The following ADGRL3 variants were observed in gnomAD, a reference collection of about 807,000 sequenced individuals.
The protein encoded by ADGRL3 is adhesion G protein-coupled receptor L3, also known as calcium-independent alpha-latrotoxin receptor 3.
ADGRL3 carries 62 observed loss-of-function variants against 153.5 expected under a neutral mutation model. That is an observed-to-expected ratio of 0.40 (90% CI 0.33 to 0.50). The LOEUF is 0.50. Ranked by LOEUF, ADGRL3 falls within the 20% of genes least tolerant of loss-of-function variation. ADGRL3 has a pLI of 0.47. For missense variants in ADGRL3, 1,641 were observed against 1,859.4 expected (o/e 0.88, Z 2.16); for synonymous variants, 710 against 672.5 (o/e 1.06, Z -0.86).
At chr4:61,353,719 G>A (rs986373202) in intron 1 of ADGRL3, among the ~76,000 whole-genome samples, 1 of 150,614 alleles carries the variant, frequency 6.6e-6, no homozygotes, top group African/African-American at 2.4e-5. Context: ...GACATTACAG[G>A]CATGGGTCAC....
At chr4:61,976,168 T>G (rs995782140) in intron 17 of ADGRL3, among the ~76,000 whole-genome samples, 3 of 152,142 alleles carry the variant, frequency 2.0e-5, no homozygotes, top group Admixed American at 6.5e-5. Flanking sequence ...AGGTACATAA[T>G]GGTATATAGT....
chr4:61,259,955 A>G (rs921089687), intron 1 of ADGRL3, among the ~76,000 whole-genome samples: 1 of 152,206 alleles, frequency 6.6e-6, no homozygotes, highest in Non-Finnish European at 1.5e-5. Context: ...ATCTAACACT[A>G]CTAGAGGCTT....
At chr4:61,764,328 G>C (rs969069986) in intron 8 of ADGRL3, among the ~76,000 whole-genome samples, 5 of 151,920 alleles carry the variant, frequency 3.3e-5, no homozygotes, top group African/African-American at 1.2e-4. Context: ...TCAGCGAAGG[G>C]AGATAAGGGT....
intron 6 of ADGRL3, among the ~76,000 whole-genome samples, chr4:61,710,038 A>T (rs897571320): frequency 5.3e-5 from 8 of 152,202 alleles, no homozygotes. Context: ...CATACTTATT[A>T]TTTGTAAAAC....
At position 61,402,325 on chromosome 4, in the gene ADGRL3, T is replaced by A. The variant is rs538236845; in HGVS notation, c.-174+19136T>A. Among the ~76,000 whole-genome samples the A allele has an allele frequency of 2.6e-4, 39 of 152,224 alleles. No individual in the cohort carries two copies. The East Asian group carries it at 3.1e-3, about 12-fold the overall frequency. ...AGTTAGTGCTTAAATATTCAAAAAA[T>A]TTTTTTAAAAATTATTCTTTGCTTC... is the stretch of plus-strand genomic sequence containing the variant. On this transcript the variant is annotated intron_variant, in intron 2 of 26. Transcript: ENST00000683033.
chr4:61,631,881 C>G (rs562980029), intron 5 of ADGRL3, among the ~76,000 whole-genome samples: 3 of 152,074 alleles, frequency 2.0e-5, no homozygotes, highest in East Asian at 1.9e-4. Flanking sequence ...CCCCCCTCAG[C>G]CTTCCAAAGT....
At chr4:61,476,227 TA>T (rs1195929582) in intron 2 of ADGRL3, among the ~76,000 whole-genome samples, 10 of 152,228 alleles carry the variant, frequency 6.6e-5, no homozygotes, top group African/African-American at 1.4e-4. Flanking sequence ...ACTCTTCTTT[TA>T]TTTTTTTTAT....
At position 61,642,391 on chromosome 4, in the gene ADGRL3, G is replaced by A. The variant is rs552567506; in HGVS notation, c.474-34435G>A. On this transcript the variant is annotated intron_variant, in intron 5 of 26. Transcript: ENST00000683033. The stretch of plus-strand genomic sequence containing the variant: ...CCTATGTCCTGAATGGTAATGCCTA[G>A]GTTTTCTTCTAGGGTTTTTATGGTT... 2.0e-3 allele frequency among the ~76,000 whole-genome samples: 304 copies of A among 152,212 alleles called. 5 individuals are homozygous for A. Among genetic ancestry groups the A allele is most frequent in the African/African-American group, 7.0e-3 (289 of 41,514 alleles).
intron 1 of ADGRL3, among the ~76,000 whole-genome samples, chr4:61,258,044 T>C (rs2092158317): frequency 6.6e-6 from 1 of 152,134 alleles, no homozygotes; most frequent in South Asian, 2.1e-4. Flanking sequence ...GCCCCCATCT[T>C]CCTCCAGGAC....
At chr4:61,509,124 CTTT>C (rs57550950) in intron 3 of ADGRL3, among the ~76,000 whole-genome samples, 2 of 118,582 alleles carry the variant, frequency 1.7e-5, no homozygotes, top group African/African-American at 6.4e-5. Context: ...CATATCACAT[CTTT>C]TTTTTTTTTT....
At chr4:61,640,149 T>C (rs1055837117) in intron 5 of ADGRL3, among the ~76,000 whole-genome samples, 2 of 151,994 alleles carry the variant, frequency 1.3e-5, no homozygotes, top group African/African-American at 4.8e-5. Flanking sequence ...AGTTATCAGA[T>C]CATGCTGCTG....
At chr4:61,297,761 C>T (rs988944048) in intron 1 of ADGRL3, among the ~76,000 whole-genome samples, 2 of 151,558 alleles carry the variant, frequency 1.3e-5, no homozygotes, top group African/African-American at 2.4e-5. Context: ...AAATGAAATA[C>T]CCTCTGGAAT....
intron 1 of ADGRL3, among the ~76,000 whole-genome samples, chr4:61,285,238 CAAATT>C (rs1442615910): frequency 4.0e-5 from 6 of 151,820 alleles, no homozygotes; most frequent in African/African-American, 1.4e-4. Flanking sequence ...AAGCCTTTAA[CAAATT>C]AAATTATAGA....
Position 62,075,472 on chromosome 4 carries a change from A to T in ADGRL3, c.*4564A>T, listed in dbSNP as rs900509694. On this transcript the variant is annotated 3_prime_UTR_variant, in exon 27 of 27. Transcript: ENST00000683033. ...AACTATTTAGTTTTGAGCAAATCTG[A>T]AGATATTGGCATGAATATCCTTTCT... The T allele has an allele frequency of 1.9e-4, 29 of 152,208 alleles. No individual in the cohort carries two copies. The highest frequency in any genetic ancestry group is 1.2e-3 in the Admixed American group (19 of 15,262). 9.4% of individuals were successfully genotyped at this position (152,208 alleles called of 1,614,324 possible).
intron 6 of ADGRL3, among the ~76,000 whole-genome samples, chr4:61,712,883 G>T (rs1043862047): frequency 1.3e-5 from 2 of 152,074 alleles, no homozygotes; most frequent in African/African-American, 4.8e-5. Flanking sequence ...GCATTGAAAT[G>T]TATTGTTTAA....
At chr4:61,630,522 T>C (rs2093096761) in intron 5 of ADGRL3, among the ~76,000 whole-genome samples, 1 of 152,242 alleles carries the variant, frequency 6.6e-6, no homozygotes, top group South Asian at 2.1e-4. Flanking sequence ...CCTCTCACTC[T>C]TTCTCTTTTT....
At chr4:61,295,529 A>C (rs909273994) in intron 1 of ADGRL3, among the ~76,000 whole-genome samples, 4 of 152,162 alleles carry the variant, frequency 2.6e-5, no homozygotes, top group African/African-American at 9.7e-5. Context: ...AATATCAAAC[A>C]AGTATAAAAG....
chr4:61,385,003 A>G (rs1188481521), intron 2 of ADGRL3, among the ~76,000 whole-genome samples: 36 of 152,288 alleles, frequency 2.4e-4, no homozygotes, highest in Non-Finnish European at 1.8e-4. Context: ...TGCACAACTT[A>G]GTGAATATAG....
At chr4:61,511,095 T>C (rs978854944) in intron 3 of ADGRL3, among the ~76,000 whole-genome samples, 4 of 152,096 alleles carry the variant, frequency 2.6e-5, no homozygotes, top group Non-Finnish European at 5.9e-5. Flanking sequence ...AGGTAGCTCA[T>C]GCCTGTAATC....
Sources: gnomAD v4.1 joint callset for allele counts (sites outside exome capture counted in the v4.1 genomes callset) on GRCh38, gnomAD v4.1.1 for gene constraint, MANE v1.5 for transcripts, NCBI Gene and HGNC (gene_info 2026-07-23, HGNC 2026-07-21) for gene names.